DLGAP4: variants seen among roughly 807,000 people sequenced by gnomAD.
DLGAP4 encodes DLG associated protein 4.
A neutral mutation model predicts 86.9 loss-of-function variants in DLGAP4; 18 were observed. The ratio of observed to expected loss-of-function variants is 0.21; its 90% CI spans 0.14 to 0.31. DLGAP4 has a LOEUF of 0.31. Among genes scored for constraint, DLGAP4 ranks in the 10% least tolerant of loss-of-function variants. The probability of loss-of-function intolerance (pLI) is 1.00; values close to 1 mark genes in which losing one functional copy is unlikely to be tolerated. For missense variants in DLGAP4, 1,085 were observed against 1,362.6 expected (o/e 0.80, Z 3.21); for synonymous variants, 548 against 574.3 (o/e 0.95, Z 0.65).
intron 5 of DLGAP4, 96 bp downstream of exon 5, chr20:36,439,964 G>A (rs2033399991): frequency 2.9e-6 from 3 of 1,045,328 alleles, no homozygotes; most frequent in East Asian, 5.2e-5. Flanking sequence ...ATGCTGAGTG[G>A]CCCCCAGATG....
intron 2 of DLGAP4, among the ~76,000 whole-genome samples, chr20:36,403,138 G>A (rs541459903): frequency 3.7e-4 from 56 of 152,350 alleles, no homozygotes; most frequent in African/African-American, 1.2e-3. Flanking sequence ...GCTGGGTAAT[G>A]TATAATGAAC....
intron 2 of DLGAP4, among the ~76,000 whole-genome samples, chr20:36,409,620 C>A (rs1256103861): frequency 1.3e-5 from 2 of 150,496 alleles, no homozygotes; most frequent in Non-Finnish European, 3.0e-5. Flanking sequence ...GAGGCTGAGG[C>A]AGGAGAATCA....
intron 2 of DLGAP4, among the ~76,000 whole-genome samples, chr20:36,398,790 G>C (rs914201606): frequency 6.6e-5 from 10 of 152,190 alleles, no homozygotes; most frequent in African/African-American, 2.4e-4. Flanking sequence ...GATACAGTCT[G>C]ACTCTGGCTC....
At position 36,338,408 on chromosome 20, in the gene DLGAP4, A is replaced by C. The variant is rs570760736; in HGVS notation, c.-303-28637A>C. Among the ~76,000 whole-genome samples the C allele has an allele frequency of 5.9e-5, 9 of 152,278 alleles. No individual in the cohort carries two copies. The East Asian group carries it at 9.7e-4, about 16-fold the overall frequency. ...GAAACCCTGTCTCTACTAAAAAAAA[A>C]CAAAAAATACAAAATTGGCCAGGTG... On this transcript the variant is annotated intron_variant, in intron 1 of 12. Coordinates refer to ENST00000339266, the MANE Select transcript of DLGAP4 (RefSeq NM_001365621.2).
chr20:36,508,419 G>GTTTTTTTTTTTTTTTTTTTTT (rs1569523131), intron 10 of DLGAP4: 16 of 134,606 alleles, frequency 1.2e-4, no homozygotes, highest in African/African-American at 4.8e-4. Context: ...ATGTTTCAGG[G>GTTTTTTTTTTTTTTTTTTTTT]TTCTTTTTTT....
At chr20:36,484,767 A>G (rs2035336764) in intron 7 of DLGAP4, among the ~76,000 whole-genome samples, 1 of 152,258 alleles carries the variant, frequency 6.6e-6, no homozygotes, top group Non-Finnish European at 1.5e-5. Context: ...CTGGAGCCCT[A>G]GAAGGAACAA....
intron 10 of DLGAP4, among the ~76,000 whole-genome samples, chr20:36,505,907 A>AATGTTGGTCCTG (rs1366919541): frequency 6.6e-6 from 1 of 152,092 alleles, no homozygotes; most frequent in Non-Finnish European, 1.5e-5. Context: ...GAAGAGGAGG[A>AATGTTGGTCCTG]ATGTTGGTCC....
At chr20:36,477,234 T>C (rs915570121) in intron 7 of DLGAP4, among the ~76,000 whole-genome samples, 2 of 151,938 alleles carry the variant, frequency 1.3e-5, no homozygotes, top group African/African-American at 4.8e-5. Flanking sequence ...TAGCTGGGAT[T>C]ACAGGCACCC....
chr20:36,467,039 TCTCTCTCTCTCTCTCTCTCTCTCTC>T (rs2034424248), intron 7 of DLGAP4, among the ~76,000 whole-genome samples: 2 of 127,418 alleles, frequency 1.6e-5, no homozygotes, highest in Non-Finnish European at 1.6e-5. Flanking sequence ...TCTCTCTCTC[TCTCTCTCTCTCTCTCTCTCTCTCTC>T]CCCCCCCCTT....
In DLGAP4 at chr20:36,526,831, C is replaced by T; in HGVS notation, c.2779C>T (p.Pro927Ser). Reference sequence around the variant, plus strand: ...ACTAAAGGAAGAGAAGAAACCACCCCCTCCGGTCCCAAAGAAGCCAGCCAA... The same window carrying T: ...ACTAAAGGAAGAGAAGAAACCACCCTCTCCGGTCCCAAAGAAGCCAGCCAA... ...EKRKEEKKPP[P>S]PVPKKPAKSK... The change falls in exon 13 of 13, where the codon CCT becomes TCT. Residue 927 changes from proline (P) to serine (S), a missense_variant. Pro to Ser is a moderately conservative substitution (Grantham distance 74). This residue lies in a region of DLGAP4 where 1,082 missense variants were observed against 1,344.1 expected (regional missense o/e 0.81). Coordinates refer to ENST00000339266, the MANE Select transcript of DLGAP4 (RefSeq NM_001365621.2). 1 of 1,608,144 alleles carries T rather than the reference C, an allele frequency of 6.2e-7. No homozygotes were observed. The highest frequency in any genetic ancestry group is 1.1e-5 in the South Asian group (1 of 90,452).
intron 2 of DLGAP4, among the ~76,000 whole-genome samples, chr20:36,416,463 G>C (rs1238604244): frequency 6.6e-6 from 1 of 152,202 alleles, no homozygotes; most frequent in Non-Finnish European, 1.5e-5. Context: ...CTAACCATCG[G>C]GGACTCCAGG....
chr20:36,334,047 C>T (rs1484111290), intron 1 of DLGAP4, among the ~76,000 whole-genome samples: 1 of 152,190 alleles, frequency 6.6e-6, no homozygotes, highest in Admixed American at 6.5e-5. Flanking sequence ...GTGTGTGCTG[C>T]GTCATTCAGC....
chr20:36,342,702 C>T (rs371502024), intron 1 of DLGAP4, among the ~76,000 whole-genome samples: 1 of 152,194 alleles, frequency 6.6e-6, no homozygotes, highest in Non-Finnish European at 1.5e-5. Flanking sequence ...GCTCCTCTGC[C>T]GCATAGTCCT....
rs534811257 is a variant in DLGAP4, at chr20:36,308,690, TG to T, written c.-304+2182del. Among the ~76,000 whole-genome samples, 67 of 152,266 alleles carry T rather than the reference TG, an allele frequency of 4.4e-4. No homozygotes were observed. The highest frequency in any genetic ancestry group is 8.7e-4 in the Non-Finnish European group (59 of 68,012). On this transcript the variant is annotated intron_variant, in intron 1 of 12. Transcript: ENST00000339266. The surrounding 1 kb of genome is among the most constrained non-coding windows in gnomAD (Gnocchi z 4.5). ...CGTAAATGCCAGCAGTTTCACATGA[TG>T]GGGAGGCTCTGAGGAACTGTATCCC...
At position 36,432,105 on chromosome 20, in the gene DLGAP4, A is replaced by G; in HGVS notation, c.388A>G (p.Lys130Glu). ...CCTCCAATTTCCCCGTGGCGAGGCC[A>G]AGGCCCGTGGTGAGAGCCCTGGCCG... ...STLQFPRGEA[K>E]ARGESPGRIR... Residue 130 changes from lysine to glutamate, a missense_variant, in exon 3 of 13, where the codon AAG (lysine) becomes GAG (glutamate). By Grantham distance (56) the Lys-to-Glu change is moderately conservative. Coordinates refer to ENST00000339266, the MANE Select transcript of DLGAP4 (RefSeq NM_001365621.2). The surrounding 1 kb of genome is among the most constrained non-coding windows in gnomAD (Gnocchi z 6.5). The G allele has an allele frequency of 6.2e-7, 1 of 1,614,138 alleles. No homozygotes were observed. Among genetic ancestry groups the G allele is most frequent in the Non-Finnish European group, 8.5e-7 (1 of 1,180,026 alleles).
At chr20:36,455,000 AGCC>A (rs1370337077) in intron 7 of DLGAP4, among the ~76,000 whole-genome samples, 2 of 152,284 alleles carry the variant, frequency 1.3e-5, no homozygotes, top group Non-Finnish European at 2.9e-5. Flanking sequence ...TGGGAGAAGC[AGCC>A]GCTATGGATG....
At chr20:36,456,121 T>G (rs2033872191) in intron 7 of DLGAP4, among the ~76,000 whole-genome samples, 1 of 152,204 alleles carries the variant, frequency 6.6e-6, no homozygotes, top group Non-Finnish European at 1.5e-5. Flanking sequence ...CAATTCCTGA[T>G]CTAACCCACT....
intron 4 of DLGAP4, among the ~76,000 whole-genome samples, chr20:36,437,127 C>T (rs1379753558): frequency 1.3e-5 from 2 of 152,274 alleles, no homozygotes; most frequent in South Asian, 2.1e-4. Context: ...TGATCCAGGC[C>T]CCCTAAGTGA....
intron 8 of DLGAP4, chr20:36,497,329 C>T: frequency 7.5e-7 from 1 of 1,338,262 alleles, no homozygotes; most frequent in Non-Finnish European, 9.6e-7. Flanking sequence ...TAGTTACACT[C>T]AGCCAGCCAT....
Sources: allele counts gnomAD v4.1 joint callset (sites outside exome capture counted in the v4.1 genomes callset), GRCh38; gene constraint gnomAD v4.1.1; regional missense constraint gnomAD v4.1.1; non-coding constraint Gnocchi (gnomAD v3.1); transcripts MANE v1.5; gene names NCBI Gene and HGNC (gene_info 2026-07-23, HGNC 2026-07-21).